Variants in GPC6 observed in about 807,000 individuals in gnomAD.
The protein encoded by GPC6 is glypican 6.
A neutral mutation model predicts 55.2 loss-of-function variants in GPC6; 14 were observed. The ratio of observed to expected loss-of-function variants is 0.25; its 90% confidence interval spans 0.17 to 0.40. The LOEUF is 0.40. Among genes scored for constraint, GPC6 ranks in the 10% least tolerant of loss-of-function variants. The pLI, the probability that GPC6 is intolerant of heterozygous loss-of-function variation, is 1.00. For synonymous variants in GPC6, 278 were observed against 259.6 expected (o/e 1.07, Z -0.68); for missense variants, 641 against 708.5 (o/e 0.90, Z 1.08).
intron 2 of GPC6, among the ~76,000 whole-genome samples, chr13:93,613,350 TG>T (rs1229020262): frequency 2.0e-5 from 3 of 152,088 alleles, no homozygotes; most frequent in Non-Finnish European, 4.4e-5. Context: ...CTAAAGGTGG[TG>T]GGGAGTCTGG....
chr13:93,883,626 C>T (rs1272696476), intron 3 of GPC6, among the ~76,000 whole-genome samples: 3 of 151,914 alleles, frequency 2.0e-5, no homozygotes, highest in African/African-American at 7.2e-5. Context: ...CTATTCATGT[C>T]CTTAGCCCAC....
At chr13:94,158,998 C>A (rs1316688870) in intron 4 of GPC6, among the ~76,000 whole-genome samples, 2 of 152,094 alleles carry the variant, frequency 1.3e-5, no homozygotes, top group African/African-American at 4.8e-5. Flanking sequence ...TTTCTCACTC[C>A]CACCTGTAGG....
intron 1 of GPC6, among the ~76,000 whole-genome samples, chr13:93,350,062 A>G (rs1394204763): frequency 6.6e-6 from 1 of 152,202 alleles, no homozygotes. Flanking sequence ...TTGTCCACTT[A>G]ATAGATGTGG....
intron 1 of GPC6, among the ~76,000 whole-genome samples, chr13:93,250,550 T>TG (rs1335209128): frequency 6.6e-6 from 1 of 152,158 alleles, no homozygotes; most frequent in Non-Finnish European, 1.5e-5. Context: ...TCACTTGGCA[T>TG]GGGGGGACCA....
rs1347794955 is a variant in GPC6 at position 94,364,838 on chromosome 13, T to C, written c.1153-17576T>C. Reference sequence around the variant, plus strand: ...ACCCTAAGCAACCAATTATCTATAATATAGGGAAGCTTACAAGGAAGATGC... The same window carrying C: ...ACCCTAAGCAACCAATTATCTATAACATAGGGAAGCTTACAAGGAAGATGC... On this transcript the variant is annotated intron_variant, in intron 6 of 8. Transcript: ENST00000377047. Among the ~76,000 whole-genome samples, 4 of 152,284 alleles carry C rather than the reference T, an allele frequency of 2.6e-5. No individual in the cohort carries two copies. In the East Asian group the frequency reaches 7.7e-4, roughly 29 times the overall value.
At chr13:93,667,643 G>A (rs1243112595) in intron 2 of GPC6, among the ~76,000 whole-genome samples, 2 of 151,756 alleles carry the variant, frequency 1.3e-5, no homozygotes, top group East Asian at 3.9e-4. Flanking sequence ...ACGTTAGCCA[G>A]GCTGGTCTTG....
intron 7 of GPC6, among the ~76,000 whole-genome samples, chr13:94,391,661 A>T (rs1029712706): frequency 5.9e-5 from 9 of 152,244 alleles, no homozygotes; most frequent in Non-Finnish European, 1.3e-4. Flanking sequence ...CAAACATAAA[A>T]ACATGTACCA....
At chr13:93,819,595 C>T (rs1383214449) in intron 2 of GPC6, among the ~76,000 whole-genome samples, 3 of 152,174 alleles carry the variant, frequency 2.0e-5, no homozygotes, top group Admixed American at 2.0e-4. Context: ...TTTCTTTAGG[C>T]CAGTGCTAGG....
At chr13:93,387,962 A>ATT in intron 1 of GPC6, among the ~76,000 whole-genome samples, 1 of 152,284 alleles carries the variant, frequency 6.6e-6, no homozygotes, top group South Asian at 2.1e-4. Flanking sequence ...ATATATATAT[A>ATT]TCACATGTGA....
intron 2 of GPC6, among the ~76,000 whole-genome samples, chr13:93,800,337 A>T (rs931674509): frequency 1.3e-5 from 2 of 152,186 alleles, no homozygotes; most frequent in Non-Finnish European, 2.9e-5. Flanking sequence ...GGCAAAGCTG[A>T]ATATAGAGTG....
rs551973277 is a variant in GPC6, at chr13:94,229,965, G to A, written c.878-56384G>A. On this transcript the variant is annotated intron_variant, in intron 4 of 8. Coordinates refer to ENST00000377047, the MANE Select transcript of GPC6 (RefSeq NM_005708.5). ...AAGATGCCCAAGTTACTATCAGTGG[G>A]AAATGAACAGGAAGCCAGGGATGGT... is the stretch of plus-strand genomic sequence containing the variant. 3.9e-5 allele frequency among the ~76,000 whole-genome samples: 6 copies of A among 152,304 alleles called. No individual in the cohort carries two copies. The South Asian group carries it at 1.2e-3, about 32-fold the overall frequency.
At chr13:93,994,620 G>A (rs929987262) in intron 3 of GPC6, among the ~76,000 whole-genome samples, 4 of 152,172 alleles carry the variant, frequency 2.6e-5, no homozygotes, top group African/African-American at 9.7e-5. Context: ...AGCCAGGAAA[G>A]CATGAGTGAA....
chr13:93,572,758 CTT>C (rs1458453923), intron 2 of GPC6, among the ~76,000 whole-genome samples: 1 of 152,100 alleles, frequency 6.6e-6, no homozygotes, highest in Non-Finnish European at 1.5e-5. Flanking sequence ...TCAATATACT[CTT>C]TGTTAAGCCA....
At chr13:94,390,830 G>A (rs1316557999) in intron 7 of GPC6, among the ~76,000 whole-genome samples, 2 of 151,740 alleles carry the variant, frequency 1.3e-5, no homozygotes, top group African/African-American at 2.4e-5. Context: ...ACCCCATAAA[G>A]TCTTCCTGAC....
intron 4 of GPC6, among the ~76,000 whole-genome samples, chr13:94,208,778 A>AAAG: frequency 1.3e-5 from 2 of 150,494 alleles, no homozygotes; most frequent in South Asian, 4.2e-4. Flanking sequence ...AAAAAAAAAA[A>AAAG]ACAAGCTGGG....
intron 2 of GPC6, among the ~76,000 whole-genome samples, chr13:93,768,208 A>G (rs1426842239): frequency 3.3e-5 from 5 of 152,140 alleles, no homozygotes; most frequent in African/African-American, 1.2e-4. Context: ...GCTCTAACTC[A>G]TGCCTTGTCT....
At chr13:93,892,659 A>G (rs916287790) in intron 3 of GPC6, among the ~76,000 whole-genome samples, 5 of 152,224 alleles carry the variant, frequency 3.3e-5, no homozygotes, top group African/African-American at 1.2e-4. Context: ...TAATCACATG[A>G]CATAGGTATA....
intron 4 of GPC6, among the ~76,000 whole-genome samples, chr13:94,126,635 A>G (rs910368202): frequency 1.3e-5 from 2 of 152,144 alleles, no homozygotes; most frequent in African/African-American, 4.8e-5. Context: ...AATTAATAGA[A>G]GGGTAAAAAT....
At chr13:93,393,103 A>C (rs2139220204) in intron 1 of GPC6, among the ~76,000 whole-genome samples, 1 of 118,518 alleles carries the variant, frequency 8.4e-6, no homozygotes, top group South Asian at 3.0e-4. Flanking sequence ...AAATATGTAT[A>C]TTTGATATAT....
Sources: gnomAD v4.1 joint callset for allele counts (sites outside exome capture counted in the v4.1 genomes callset) on GRCh38, gnomAD v4.1.1 for gene constraint, MANE v1.5 for transcripts, NCBI Gene and HGNC (gene_info 2026-07-23, HGNC 2026-07-21) for gene names.